The following YAF2 variants were observed in gnomAD, a reference collection of about 807,000 sequenced individuals.
The protein encoded by YAF2 is YY1 associated factor 2.
YAF2 carries 7 observed loss-of-function variants against 20.1 expected under a neutral mutation model. That is an observed-to-expected ratio of 0.35 (90% CI 0.20 to 0.65). The LOEUF is 0.65. YAF2 is among the 30% of genes least tolerant of loss of function. The pLI is 0.69. For missense variants in YAF2, 151 were observed against 219.2 expected (o/e 0.69, Z 1.96); for synonymous variants, 74 against 76.0 (o/e 0.97, Z 0.14).
chr12:42,236,059 G>C (rs1331974911), intron 2 of YAF2: 2 of 1,519,970 alleles, frequency 1.3e-6, no homozygotes, highest in African/African-American at 2.8e-5. Flanking sequence ...CAAGAAAATA[G>C]AGAGGGAACA....
At chr12:42,233,372 T>C (rs1427245182) in intron 2 of YAF2, 1 of 985,224 alleles carries the variant, frequency 1.0e-6, no homozygotes, top group African/African-American at 1.7e-5. Context: ...ATTTGCTATC[T>C]GAATTAAGCA....
chr12:42,172,494 T>C (rs1224039091), intron 2 of YAF2, among the ~76,000 whole-genome samples: 2 of 152,170 alleles, frequency 1.3e-5, no homozygotes. Flanking sequence ...TAAGCCAACA[T>C]GAGACCTGAA....
intron 2 of YAF2, among the ~76,000 whole-genome samples, chr12:42,189,019 A>C (rs903009261): frequency 6.6e-6 from 1 of 152,202 alleles, no homozygotes; most frequent in Non-Finnish European, 1.5e-5. Flanking sequence ...TGGGAGAATC[A>C]GAGTGGAAAT....
At chr12:42,237,569 G>T (rs1370180640) in intron 2 of YAF2, 30 bp downstream of exon 2, 26 of 1,491,338 alleles carry the variant, frequency 1.7e-5, no homozygotes, top group Non-Finnish European at 2.3e-5. Flanking sequence ...CCCGCCGGCC[G>T]GCGGCGCGAG....
At position 42,173,008 on chromosome 12, in the gene YAF2, G is replaced by A. The variant is rs1565603325; in HGVS notation, c.153-11243C>T. 2.6e-5 allele frequency among the ~76,000 whole-genome samples: 4 copies of A among 152,076 alleles called. No individual in the cohort carries two copies. In the South Asian group the frequency reaches 8.3e-4, roughly 32 times the overall value. On this transcript the variant is annotated intron_variant, in intron 2 of 3. Transcript: ENST00000534854. ...GGTTAGGACATTAAGGAACAAAATG[G>A]AGAGTAACTGCAAATGGACATGAGA...
At chr12:42,228,041 G>C (rs542037900) in intron 2 of YAF2, among the ~76,000 whole-genome samples, 16 of 102,080 alleles carry the variant, frequency 1.6e-4, no homozygotes, top group Admixed American at 1.8e-4. Flanking sequence ...CCCTCCGCCC[G>C]GCCAGCCGCC....
intron 2 of YAF2, chr12:42,234,623 G>A: frequency 7.1e-6 from 7 of 984,802 alleles, no homozygotes; most frequent in Non-Finnish European, 8.4e-6. Context: ...TATAGCCAAA[G>A]GAAATGGGCT....
chr12:42,200,525 C>T (rs1385261720), intron 2 of YAF2, among the ~76,000 whole-genome samples: 1 of 152,094 alleles, frequency 6.6e-6, no homozygotes. Flanking sequence ...CTTTCCAGTG[C>T]TTCTTTTTGC....
At chr12:42,188,426 C>T (rs1260573747) in intron 2 of YAF2, among the ~76,000 whole-genome samples, 1 of 146,948 alleles carries the variant, frequency 6.8e-6, no homozygotes, top group East Asian at 2.0e-4. Context: ...TACTCTGTCA[C>T]CCAGGCTGGA....
intron 3 of YAF2, 74 bp downstream of exon 3, chr12:42,161,539 T>C: frequency 6.9e-7 from 1 of 1,450,244 alleles, no homozygotes; most frequent in Admixed American, 2.5e-5. Flanking sequence ...TTTGTGTATA[T>C]TAGTATGTCA....
chr12:42,199,356 A>G, intron 2 of YAF2: 1 of 422,680 alleles, frequency 2.4e-6, no homozygotes, highest in Non-Finnish European at 3.7e-6. Context: ...CTCAATTACA[A>G]GTGTTAAAAC....
chr12:42,189,871 T>G (rs1222642269), intron 2 of YAF2, among the ~76,000 whole-genome samples: 1 of 152,126 alleles, frequency 6.6e-6, no homozygotes, highest in African/African-American at 2.4e-5. Flanking sequence ...ATAATTCACA[T>G]AAAAATGATC....
chr12:42,220,147 A>C (rs1164035514), intron 2 of YAF2, among the ~76,000 whole-genome samples: 1 of 152,182 alleles, frequency 6.6e-6, no homozygotes, highest in Non-Finnish European at 1.5e-5. Context: ...AGATACTTCA[A>C]GTTTCAATTT....
At position 42,206,223 on chromosome 12, in the gene YAF2, G is replaced by C. The variant is rs1262176291; in HGVS notation, c.152+31376C>G. Among the ~76,000 whole-genome samples the C allele has an allele frequency of 1.7e-4, 25 of 142,872 alleles. No individual in the cohort carries two copies. The Admixed American group carries it at 1.8e-3, about 10-fold the overall frequency. The allele number at this position is 142,872 out of a possible 152,430, so 93.7% of individuals were successfully genotyped here. ...AGCTATATTTTTCAAGATTTTAATT[G>C]GTTATTTTACATAAATATTTATTGT... On this transcript the variant is annotated intron_variant, in intron 2 of 3. Transcript: ENST00000534854.
At chr12:42,225,284 G>A (rs116882902) in intron 2 of YAF2, among the ~76,000 whole-genome samples, 288 of 152,260 alleles carry the variant, frequency 1.9e-3, no homozygotes, top group Non-Finnish European at 3.5e-3. Context: ...TGGACAGATG[G>A]CAAAAATATT....
chr12:42,169,904 A>T (rs712115), intron 2 of YAF2, among the ~76,000 whole-genome samples: 108,285 of 150,780 alleles, frequency 0.72, 40,414 homozygotes, highest in African/African-American at 0.93. Context: ...AGAGTCTTGC[A>T]CTGTCACCCA....
At chr12:42,175,545 A>C (rs1565605586) in intron 2 of YAF2, among the ~76,000 whole-genome samples, 2 of 151,480 alleles carry the variant, frequency 1.3e-5, no homozygotes, top group African/African-American at 4.8e-5. Flanking sequence ...AAAAAAAAAA[A>C]AGCTGTCTAA....
At chr12:42,210,503 G>A in intron 2 of YAF2, 1 of 1,535,962 alleles carries the variant, frequency 6.5e-7, no homozygotes, top group Non-Finnish European at 8.7e-7. Flanking sequence ...TTTGGGGGAG[G>A]GGATTTGGGA....
intron 2 of YAF2, among the ~76,000 whole-genome samples, chr12:42,187,144 T>C (rs944028771): frequency 2.0e-5 from 3 of 151,952 alleles, no homozygotes; most frequent in Non-Finnish European, 4.4e-5. Flanking sequence ...TTTTATTTAT[T>C]TATTATTCTA....
Sources: allele counts gnomAD v4.1 joint callset (sites outside exome capture counted in the v4.1 genomes callset), GRCh38; gene constraint gnomAD v4.1.1; transcripts MANE v1.5; gene names NCBI Gene and HGNC (gene_info 2026-07-23, HGNC 2026-07-21).